Variants in PRR14 observed in about 807,000 individuals in gnomAD.
The protein encoded by PRR14 is proline rich 14, also known as proline-rich protein 14.
A neutral mutation model predicts 57.2 loss-of-function variants in PRR14; 33 were observed. The observed-to-expected ratio is 0.58, with a 90% CI of 0.44 to 0.77. The LOEUF (loss-of-function observed/expected upper bound fraction) is 0.77, where lower values mean the gene tolerates loss of function less well. Among genes scored for constraint, PRR14 ranks in the 30% least tolerant of loss-of-function variants. PRR14 has a pLI of 0.00. For missense variants in PRR14, 716 were observed against 788.1 expected (o/e 0.91, Z 1.10); for synonymous variants, 303 against 314.7 (o/e 0.96, Z 0.39).
intron 6 of PRR14, among the ~76,000 whole-genome samples, chr16:30,653,906 C>T (rs568520319): frequency 2.6e-4 from 39 of 152,304 alleles, no homozygotes; most frequent in Middle Eastern, 6.8e-3. Flanking sequence ...TCAGGTGATC[C>T]ACCCACCTCG....
At chr16:30,653,175 G>C in intron 5 of PRR14, 72 bp downstream of exon 5, 2 of 1,484,432 alleles carry the variant, frequency 1.3e-6, no homozygotes, top group Non-Finnish European at 1.8e-6. Flanking sequence ...TAGGAGGCCT[G>C]AGTCTTAGGT....
chr16:30,651,759 GT>G lies in PRR14; in HGVS notation c.24-35del. 6.2e-7 allele frequency: 1 copy of G among 1,609,872 alleles called. No homozygotes were observed. The highest frequency in any genetic ancestry group is 2.2e-5 in the East Asian group (1 of 44,864). ...CGGGAAACTACAGAGCCAGCGACAG[GT>G]TCGGGCGACCGTCCTCTGCTTCTTT... On this transcript the variant is annotated intron_variant, in intron 2 of 11. Coordinates refer to ENST00000300835, the MANE Select transcript of PRR14 (RefSeq NM_024031.5). This position sits in a 1 kb window ranked among gnomAD's most constrained non-coding sequence, Gnocchi z 5.0.
chr16:30,652,989 A>T lies in PRR14; in HGVS notation c.390A>T (p.Arg130=). 6.2e-7 allele frequency: 1 copy of T among 1,614,076 alleles called. No individual in the cohort carries two copies. The highest frequency in any genetic ancestry group is 8.5e-7 in the Non-Finnish European group (1 of 1,179,982). ...IHRTSSTLRR[R]SRTTPGPEEG... Reference sequence around the variant, plus strand: ...GGACCTCTTCCACCCTGAGGCGGCGATCAAGGACAACCCCTGGCCCAGAGG... The same window carrying T: ...GGACCTCTTCCACCCTGAGGCGGCGTTCAAGGACAACCCCTGGCCCAGAGG... Residue 130 remains arginine, a synonymous_variant, in exon 5 of 12, where the codon CGA becomes CGT. Coordinates refer to ENST00000300835, the MANE Select transcript of PRR14 (RefSeq NM_024031.5).
chr16:30,653,553 C>G (rs2052335394), intron 6 of PRR14, 145 bp downstream of exon 6: 1 of 820,760 alleles, frequency 1.2e-6, no homozygotes, highest in Non-Finnish European at 1.9e-6. Context: ...ACGCCCATGC[C>G]TAATGCCAGC....
chr16:30,656,141 C>T lies in PRR14; in HGVS notation c.1588C>T (p.Arg530Ter), dbSNP rs1334805126. The T allele has an allele frequency of 1.9e-6, 3 of 1,579,878 alleles. No homozygotes were observed. The highest frequency in any genetic ancestry group is 2.6e-6 in the Non-Finnish European group (3 of 1,164,604). Residue 530 changes from arginine (R) to a stop codon, truncating the protein, a stop_gained, in exon 12 of 12, where the codon CGA (arginine) becomes TGA (stop). Transcript: ENST00000300835. LOFTEE classifies it low-confidence loss of function (END_TRUNC). ...AVEFRDSSLP[R>*]SRRPSRGVRA... is the part of the protein sequence containing the mutation. ...GGAATTTCGGGACAGCAGCCTTCCT[C>T]GATCACGAAGACCGTCCCGTGGGGT...
At position 30,653,591 on chromosome 16, in the gene PRR14, G is replaced by A. The variant is rs192579708; in HGVS notation, c.548+183G>A. Among the ~76,000 whole-genome samples, 96 of 152,340 alleles carry A rather than the reference G, an allele frequency of 6.3e-4. No individual in the cohort carries two copies. In the East Asian group the frequency reaches 0.015, roughly 24 times the overall value. On this transcript the variant is annotated intron_variant, in intron 6 of 11. Coordinates refer to ENST00000300835, the MANE Select transcript of PRR14 (RefSeq NM_024031.5). ...TTTAGGAGGCCAAGGCAGGAGAATC[G>A]CTTGAGCCCAGGAGTTTGAGGCCAG...
In PRR14 at chr16:30,655,564, T is replaced by C. The variant is rs1459102269; in HGVS notation, c.1377T>C (p.Leu459=). The C allele has an allele frequency of 6.2e-7, 1 of 1,614,240 alleles. No individual in the cohort carries two copies. The highest frequency in any genetic ancestry group is 1.3e-5 in the African/African-American group (1 of 75,072). ...RRTPARPQLN[L]TPMGLPRPIR... ...CACCAGCCCGTCCTCAGCTAAACCT[T>C]ACACCAATGGGACTGCCTCGACCAA... The change falls in exon 10 of 12, where the codon CTT becomes CTC. Residue 459 remains leucine, a synonymous_variant. Transcript: ENST00000300835. The surrounding 1 kb of genome is among the most constrained non-coding windows in gnomAD (Gnocchi z 4.6).
rs763059524 is a variant in PRR14, at chr16:30,652,704, A to G, written c.193-17A>G. 7.4e-6 allele frequency: 12 copies of G among 1,613,860 alleles called. No individual in the cohort carries two copies. Among genetic ancestry groups the G allele is most frequent in the Non-Finnish European group, 1.0e-5 (12 of 1,179,922 alleles). The stretch of plus-strand genomic sequence containing the variant: ...CTCATTCTATCACCTTGCTCTTGAC[A>G]CCTCTTTCTCTTCCAGGTCCCCGTG... On this transcript the variant is annotated splice_polypyrimidine_tract_variant and intron_variant, in intron 3 of 11. Coordinates refer to ENST00000300835, the MANE Select transcript of PRR14 (RefSeq NM_024031.5).
intron 3 of PRR14, chr16:30,652,271 A>G (rs1458339863): frequency 3.4e-6 from 2 of 587,852 alleles, no homozygotes; most frequent in African/African-American, 1.9e-5. Context: ...GCTATGTTGC[A>G]CAAGCTGGTC....
Position 30,656,027 on chromosome 16 carries a change from T to G in PRR14, c.1479-5T>G. The stretch of plus-strand genomic sequence containing the variant: ...AAAACCAGCTCCTCTCCCTGCCTTG[T>G]TCAGGACCTTTGAGACCATCTTTGA... On this transcript the variant is annotated splice_region_variant and splice_polypyrimidine_tract_variant and intron_variant, in intron 11 of 11. Coordinates refer to ENST00000300835, the MANE Select transcript of PRR14 (RefSeq NM_024031.5). 1.3e-6 allele frequency: 2 copies of G among 1,575,174 alleles called. No individual in the cohort carries two copies. The highest frequency in any genetic ancestry group is 1.7e-6 in the Non-Finnish European group (2 of 1,161,742).
chr16:30,655,997 C>T lies in PRR14; in HGVS notation c.1479-35C>T. On this transcript the variant is annotated intron_variant, in intron 11 of 11. Coordinates refer to ENST00000300835, the MANE Select transcript of PRR14 (RefSeq NM_024031.5). The surrounding 1 kb of genome is among the most constrained non-coding windows in gnomAD (Gnocchi z 4.6). ...GGGAAATCTGGAGCTGTGGAGCACC[C>T]TGATAAAACCAGCTCCTCTCCCTGC... 1.3e-6 allele frequency: 2 copies of T among 1,597,390 alleles called. No homozygotes were observed. Among genetic ancestry groups the T allele is most frequent in the Non-Finnish European group, 1.7e-6 (2 of 1,171,786 alleles).
Position 30,652,944 on chromosome 16 carries a change from G to T in PRR14, c.345G>T (p.Glu115Asp). Residue 115 changes from glutamate to aspartate, a missense_variant, in exon 5 of 12, where the codon GAG (glutamate) becomes GAT (aspartate). Transcript: ENST00000300835. ...CCGACCCTCTGTGTTTGTGTCGCGA[G>T]CCCTTGAGCCGCATCCACCGGACCT... ...RPPDPLCLCR[E>D]PLSRIHRTSS... 1 of 1,614,074 alleles carries T rather than the reference G, an allele frequency of 6.2e-7. No individual in the cohort carries two copies. Among genetic ancestry groups the T allele is most frequent in the East Asian group, 2.2e-5 (1 of 44,880 alleles).
rs2052308196 is a variant in PRR14, at chr16:30,651,255, G to C, written c.-51+128G>C. 1 of 332,180 alleles carries C rather than the reference G, an allele frequency of 3.0e-6. No homozygotes were observed. Among genetic ancestry groups the C allele is most frequent in the South Asian group, 2.4e-5 (1 of 41,072 alleles). The allele number at this position is 332,180 out of a possible 1,614,324, so 20.6% of individuals were successfully genotyped here. A position where few individuals can be genotyped will look rare whatever the true frequency, so the allele number is the denominator to read the frequency against. ...AGGAGGAGGATCGCAGAGGGATCCAGCGGAAATAGCCTCCCAGGACCGGGA... is the reference window on the plus strand; with the variant it reads ...AGGAGGAGGATCGCAGAGGGATCCACCGGAAATAGCCTCCCAGGACCGGGA... On this transcript the variant is annotated intron_variant, in intron 1 of 11. Coordinates refer to ENST00000300835, the MANE Select transcript of PRR14 (RefSeq NM_024031.5). The surrounding 1 kb of genome is among the most constrained non-coding windows in gnomAD (Gnocchi z 5.0).
chr16:30,653,726 G>C (rs2052336505), intron 6 of PRR14, among the ~76,000 whole-genome samples: 1 of 152,162 alleles, frequency 6.6e-6, no homozygotes, highest in African/African-American at 2.4e-5. Flanking sequence ...GAGTGCAATG[G>C]TGCGATCTCA....
In PRR14 at chr16:30,651,970, C is replaced by A. The variant is rs561272073; in HGVS notation, c.192+6C>A. 2.0e-6 allele frequency: 3 copies of A among 1,524,310 alleles called. No individual in the cohort carries two copies. Among genetic ancestry groups the A allele is most frequent in the Admixed American group, 4.4e-5 (2 of 45,182 alleles). The allele number at this position is 1,524,310 out of a possible 1,614,324, so 94.4% of individuals were successfully genotyped here. On this transcript the variant is annotated splice_donor_region_variant and intron_variant, in intron 3 of 11. Transcript: ENST00000300835. The surrounding 1 kb of genome is among the most constrained non-coding windows in gnomAD (Gnocchi z 5.0). ...ATGTCATGGCTGTTCACATGGTGAG[C>A]CCCCTGAACCAAGAGACTCTCTATT... is the stretch of plus-strand genomic sequence containing the variant.
Position 30,656,138 on chromosome 16 carries a change from C to T in PRR14, c.1585C>T (p.Pro529Ser). 6.3e-7 allele frequency: 1 copy of T among 1,579,558 alleles called. No individual in the cohort carries two copies. Among genetic ancestry groups the T allele is most frequent in the East Asian group, 2.2e-5 (1 of 44,568 alleles). Residue 529 changes from proline (P) to serine (S), a missense_variant, in exon 12 of 12, where the codon CCT (proline) becomes TCT (serine). By Grantham distance (74) the Pro-to-Ser change is moderately conservative. Transcript: ENST00000300835. ...TGTGGAATTTCGGGACAGCAGCCTT[C>T]CTCGATCACGAAGACCGTCCCGTGG... Reference protein sequence around the residue: ...RAVEFRDSSLPRSRRPSRGVR... With the variant: ...RAVEFRDSSLSRSRRPSRGVR...
intron 7 of PRR14, 61 bp from the exon 8 acceptor site, chr16:30,654,568 G>A (rs908378440): frequency 3.7e-6 from 5 of 1,351,348 alleles, no homozygotes; most frequent in Non-Finnish European, 5.1e-6. Flanking sequence ...TTGAGCATGT[G>A]GGGAGGGGCT....
Position 30,655,492 on chromosome 16 carries a change from A to G in PRR14, c.1315-10A>G. 2 of 1,614,126 alleles carry G rather than the reference A, an allele frequency of 1.2e-6. No individual in the cohort carries two copies. Among genetic ancestry groups the G allele is most frequent in the Non-Finnish European group, 1.7e-6 (2 of 1,179,998 alleles). On this transcript the variant is annotated splice_polypyrimidine_tract_variant and intron_variant, in intron 9 of 11. Coordinates refer to ENST00000300835, the MANE Select transcript of PRR14 (RefSeq NM_024031.5). The surrounding 1 kb of genome is among the most constrained non-coding windows in gnomAD (Gnocchi z 4.6). ...ATGTCACTCTTTCACCCTCTGCCCC[A>G]TTTTTGCAGACCATGGGAAAGGTTT...
chr16:30,655,423 A>G lies in PRR14; in HGVS notation c.1314+3A>G. 6.2e-7 allele frequency: 1 copy of G among 1,614,172 alleles called. No homozygotes were observed. On this transcript the variant is annotated splice_donor_region_variant and intron_variant, in intron 9 of 11. Coordinates refer to ENST00000300835, the MANE Select transcript of PRR14 (RefSeq NM_024031.5). This position sits in a 1 kb window ranked among gnomAD's most constrained non-coding sequence, Gnocchi z 4.6. ...TGCTTTCAGAACCTGAGACCAAGGT[A>G]GGCATTCAGATCGGGTAGAAGAGAC...
Sources: allele counts gnomAD v4.1 joint callset (sites outside exome capture counted in the v4.1 genomes callset), GRCh38; gene constraint gnomAD v4.1.1; non-coding constraint Gnocchi (gnomAD v3.1); transcripts MANE v1.5; gene names NCBI Gene and HGNC (gene_info 2026-07-23, HGNC 2026-07-21).